CCNB3: variants seen among roughly 807,000 people sequenced by gnomAD.
The protein encoded by CCNB3 is G2/mitotic-specific cyclin-B3.
Under a neutral mutation model 68.0 loss-of-function variants are expected in CCNB3, and 12 were observed. That is an observed-to-expected ratio of 0.18 (90% CI 0.11 to 0.29). The LOEUF is 0.29. CCNB3 is among the 10% of genes least tolerant of loss of function. The pLI, the probability that CCNB3 is intolerant of heterozygous loss-of-function variation, is 1.00. For synonymous variants in CCNB3, 354 were observed against 388.9 expected, an observed-to-expected ratio of 0.91 and a Z score of 1.06; for missense variants, 904 against 993.1, an observed-to-expected ratio of 0.91 and a Z score of 1.21.
At chrX:50,294,215 G>T in intron 4 of CCNB3, among the ~76,000 whole-genome samples, 1 of 111,405 alleles carries the variant, frequency 9.0e-6, no homozygotes, top group Middle Eastern at 4.6e-3. Flanking sequence ...TGCTGGGACT[G>T]CAGGCAAGAG....
At chrX:50,313,773 T>G in intron 7 of CCNB3, 83 bp from the exon 8 acceptor site, 2 of 698,205 alleles carry the variant, frequency 2.9e-6, no homozygotes, top group South Asian at 5.4e-5. Flanking sequence ...GTTAGAACTA[T>G]GAGGGAGAAG....
At position 50,310,592 on chromosome X, in the gene CCNB3, C is replaced by T; in HGVS notation, c.2423C>T (p.Pro808Leu). ...FKKLLAMQEE[P>L]SIEKEAVLKE... is the part of the protein sequence containing the mutation. Reference sequence around the variant, plus strand: ...AAGCTTTTGGCCATGCAGGAGGAGCCCAGCATTGAGAAGGAAGCTGTCCTC... The same window carrying T: ...AAGCTTTTGGCCATGCAGGAGGAGCTCAGCATTGAGAAGGAAGCTGTCCTC... Residue 808 changes from proline (P) to leucine (L), a missense_variant, in exon 6 of 13, where the codon CCC becomes CTC. Pro to Leu is a moderately conservative substitution (Grantham distance 98). Around this residue, in one of 2 missense-constraint regions of CCNB3, gnomAD observed 619 missense variants for 609.8 expected, o/e 1.02. Coordinates refer to ENST00000376042, the MANE Select transcript of CCNB3 (RefSeq NM_033031.3). 1 of 1,211,313 alleles carries T rather than the reference C, an allele frequency of 8.3e-7. No individual in the cohort carries two copies. Among genetic ancestry groups the T allele is most frequent in the Non-Finnish European group, 1.1e-6 (1 of 895,452 alleles).
intron 1 of CCNB3, among the ~76,000 whole-genome samples, chrX:50,207,104 G>A (rs781827911): frequency 2.2e-4 from 25 of 112,049 alleles, no homozygotes; most frequent in African/African-American, 7.8e-4. Flanking sequence ...CTGCATTTTT[G>A]TGTATGTCGT....
At chrX:50,210,513 A>T (rs1285998066) in intron 1 of CCNB3, among the ~76,000 whole-genome samples, 2 of 111,992 alleles carry the variant, frequency 1.8e-5, no homozygotes, top group Non-Finnish European at 3.8e-5. Flanking sequence ...TCCTCTCATG[A>T]CTAAAAACTT....
chrX:50,330,062 TA>T (rs1557217859), intron 8 of CCNB3, among the ~76,000 whole-genome samples: 1 of 111,677 alleles, frequency 9.0e-6, no homozygotes, highest in Non-Finnish European at 1.9e-5. Context: ...GAAAGGGCTT[TA>T]TTCAGCTGGG....
At chrX:50,219,204 C>G (rs1024691598) in intron 1 of CCNB3, among the ~76,000 whole-genome samples, 206 of 111,375 alleles carry the variant, frequency 1.8e-3, no homozygotes, top group African/African-American at 6.4e-3. Context: ...CAAAAATTTT[C>G]TCCCATTCTG....
intron 1 of CCNB3, among the ~76,000 whole-genome samples, chrX:50,226,196 T>C (rs1440241602): frequency 1.5e-5 from 1 of 66,558 alleles, no homozygotes; most frequent in African/African-American, 7.4e-5. Context: ...TATAAATATA[T>C]ATAGAATATA....
intron 8 of CCNB3, among the ~76,000 whole-genome samples, chrX:50,333,822 G>C (rs1922719057): frequency 9.0e-6 from 1 of 111,291 alleles, no homozygotes; most frequent in Non-Finnish European, 1.9e-5. Flanking sequence ...AGCTTCCTAA[G>C]GCCACTGAGA....
intron 5 of CCNB3, among the ~76,000 whole-genome samples, chrX:50,307,946 C>G (rs1250451278): frequency 8.9e-6 from 1 of 112,083 alleles, no homozygotes; most frequent in Non-Finnish European, 1.9e-5. Flanking sequence ...CTATTCAAAA[C>G]AAAGCTTTGC....
chrX:50,210,847 C>T (rs1206375592), intron 1 of CCNB3, among the ~76,000 whole-genome samples: 5 of 111,659 alleles, frequency 4.5e-5, no homozygotes, highest in African/African-American at 9.8e-5. Context: ...AGAAATATAA[C>T]GAGTCACGCT....
chrX:50,207,801 A>AT (rs151227741), intron 1 of CCNB3, among the ~76,000 whole-genome samples: 1 of 111,648 alleles, frequency 9.0e-6, no homozygotes, highest in South Asian at 3.7e-4. Context: ...GTACAACTCA[A>AT]TTTTTTTAGT....
At chrX:50,342,432 C>A in intron 9 of CCNB3, 93 bp downstream of exon 9, 1 of 875,230 alleles carries the variant, frequency 1.1e-6, no homozygotes, top group Non-Finnish European at 1.6e-6. Context: ...TTGTTATGTG[C>A]TGCATAACAA....
intron 8 of CCNB3, among the ~76,000 whole-genome samples, chrX:50,328,734 C>T (rs1922425553): frequency 1.8e-5 from 2 of 112,069 alleles, no homozygotes; most frequent in Admixed American, 1.9e-4. Context: ...AGTCCAAAGT[C>T]TTATCTGAGA....
At chrX:50,227,930 G>T (rs1247273973) in intron 1 of CCNB3, among the ~76,000 whole-genome samples, 1 of 73,519 alleles carries the variant, frequency 1.4e-5, no homozygotes, top group Admixed American at 1.9e-4. Context: ...TGTATAGACA[G>T]AATATATATA....
intron 9 of CCNB3, among the ~76,000 whole-genome samples, chrX:50,346,111 C>G (rs1249443910): frequency 7.1e-5 from 8 of 112,395 alleles, no homozygotes; most frequent in African/African-American, 2.3e-4. Context: ...TCCGCACACT[C>G]TGCCCACCAC....
chrX:50,294,755 T>A, intron 4 of CCNB3, 108 bp from the exon 5 acceptor site: 6 of 945,599 alleles, frequency 6.3e-6, no homozygotes, highest in Non-Finnish European at 5.8e-6. Flanking sequence ...AACCAACTTA[T>A]GTGGGTCAGG....
At chrX:50,341,938 C>G in intron 8 of CCNB3, 1 of 297,106 alleles carries the variant, frequency 3.4e-6, no homozygotes, top group East Asian at 6.8e-5. Context: ...ACTCAAGGCT[C>G]TCATAGAGAA....
At chrX:50,228,016 TATAG>T (rs1373762673) in intron 1 of CCNB3, among the ~76,000 whole-genome samples, 1 of 83,959 alleles carries the variant, frequency 1.2e-5, no homozygotes, top group Non-Finnish European at 2.2e-5. Context: ...TATATAAATA[TATAG>T]AGAGAATATA....
chrX:50,286,445 G>A (rs770217436), intron 3 of CCNB3, among the ~76,000 whole-genome samples: 38 of 108,556 alleles, frequency 3.5e-4, no homozygotes, highest in African/African-American at 8.1e-4. Context: ...GATTACAGGC[G>A]CCTGCCACCA....
Sources: gnomAD v4.1 joint callset for allele counts (sites outside exome capture counted in the v4.1 genomes callset) on GRCh38, gnomAD v4.1.1 for gene constraint, gnomAD v4.1.1 regional missense constraint, MANE v1.5 for transcripts, NCBI Gene and HGNC (gene_info 2026-07-23, HGNC 2026-07-21) for gene names.